GNAL: variants seen among roughly 807,000 people sequenced by gnomAD.
GNAL encodes the protein guanine nucleotide-binding protein G(olf) subunit alpha.
In GNAL, 18 loss-of-function variants were observed where a neutral mutation model predicts 55.1. The ratio of observed to expected loss-of-function variants is 0.33; its 90% confidence interval spans 0.23 to 0.48. The LOEUF (loss-of-function observed/expected upper bound fraction) is 0.48, where lower values mean the gene tolerates loss of function less well. Ranked by LOEUF, GNAL falls within the 20% of genes least tolerant of loss-of-function variation. The pLI, the probability that GNAL is intolerant of heterozygous loss-of-function variation, is 0.99. For synonymous variants in GNAL, 253 were observed against 237.0 expected (o/e 1.07, Z -0.62); for missense variants, 412 against 614.1 (o/e 0.67, Z 3.48).
chr18:11,727,762 AAG>A (rs982666329), intron 1 of GNAL, among the ~76,000 whole-genome samples: 3 of 152,216 alleles, frequency 2.0e-5, no homozygotes, highest in Non-Finnish European at 4.4e-5. Context: ...AAAGTGGGGA[AAG>A]AGAGTAGTCT....
intron 4 of GNAL, among the ~76,000 whole-genome samples, chr18:11,807,658 AGAG>A (rs150104571): frequency 0.015 from 2,314 of 152,330 alleles, 54 homozygotes; most frequent in African/African-American, 0.052. Flanking sequence ...TCCAGAATTC[AGAG>A]GAGAGGCCTA....
chr18:11,732,133 A>T (rs2032353211), intron 1 of GNAL, among the ~76,000 whole-genome samples: 1 of 152,186 alleles, frequency 6.6e-6, no homozygotes, highest in South Asian at 2.1e-4. Flanking sequence ...TAATGCTGCT[A>T]TGGACATTTG....
intron 5 of GNAL, among the ~76,000 whole-genome samples, chr18:11,851,081 A>C (rs763709041): frequency 2.6e-5 from 4 of 152,230 alleles, no homozygotes; most frequent in Non-Finnish European, 4.4e-5. Flanking sequence ...AAGCCTGCCA[A>C]GTTTGGAGCG....
Position 11,885,546 on chromosome 18 carries a change from C to G in GNAL, c.*4411C>G, listed in dbSNP as rs1224565141. The G allele has an allele frequency of 3.7e-6, 4 of 1,092,206 alleles. No individual in the cohort carries two copies. Among genetic ancestry groups the G allele is most frequent in the Non-Finnish European group, 5.3e-6 (4 of 752,342 alleles). The allele number at this position is 1,092,206 out of a possible 1,614,324, so 67.7% of individuals were successfully genotyped here. ...TGGCAAGGGGCAGTGTATGGAGCTA[C>G]GTGTAGAAGGAGAGAAATTTGTGTG... is the stretch of plus-strand genomic sequence containing the variant. On this transcript the variant is annotated 3_prime_UTR_variant, in exon 12 of 12. Coordinates refer to ENST00000334049, the MANE Select transcript of GNAL (RefSeq NM_182978.4).
intron 5 of GNAL, chr18:11,851,385 C>G: frequency 8.1e-7 from 1 of 1,237,002 alleles, no homozygotes; most frequent in Middle Eastern, 2.8e-4. Flanking sequence ...CCACCTGCGC[C>G]GCTCACAGTA....
intron 1 of GNAL, among the ~76,000 whole-genome samples, chr18:11,723,340 TTTG>T (rs1394225961): frequency 4.6e-5 from 7 of 152,248 alleles, no homozygotes; most frequent in African/African-American, 7.2e-5. Flanking sequence ...TCATCCTCTT[TTTG>T]TTATTTTGCA....
intron 10 of GNAL, among the ~76,000 whole-genome samples, chr18:11,873,593 C>T (rs1210027183): frequency 2.0e-5 from 3 of 152,258 alleles, no homozygotes; most frequent in Admixed American, 2.0e-4. Context: ...GGTCAAGGTC[C>T]AGGCTCTTCC....
chr18:11,856,780 A>G (rs1390851657), intron 5 of GNAL, among the ~76,000 whole-genome samples: 1 of 151,954 alleles, frequency 6.6e-6, no homozygotes, highest in African/African-American at 2.4e-5. Flanking sequence ...GCAAAAAAAT[A>G]ATTAGCCAGG....
chr18:11,810,116 C>T (rs1308896484), intron 4 of GNAL, among the ~76,000 whole-genome samples: 1 of 152,222 alleles, frequency 6.6e-6, no homozygotes, highest in Non-Finnish European at 1.5e-5. Context: ...CTTGGCTGGG[C>T]AGGGCGGCTC....
intron 4 of GNAL, among the ~76,000 whole-genome samples, chr18:11,770,931 A>G (rs532191894): frequency 6.6e-6 from 1 of 152,238 alleles, no homozygotes; most frequent in Non-Finnish European, 1.5e-5. Context: ...AAATATTATC[A>G]TGGCCAGGTG....
intron 10 of GNAL, 27 bp from the exon 11 acceptor site, chr18:11,876,590 TTAAA>T (rs1567906434): frequency 7.3e-7 from 1 of 1,367,962 alleles, no homozygotes; most frequent in African/African-American, 1.4e-5. Flanking sequence ...TTCATGTTGC[TTAAA>T]TAAAGTTCCA....
In GNAL at chr18:11,884,554, T is replaced by C. The variant is rs147275956; in HGVS notation, c.*3419T>C. ...CACAAGGAAGCCCACCACTCCACAGTAGATGATCAAAACCACATCCTCACG... is the reference window on the plus strand; with the variant it reads ...CACAAGGAAGCCCACCACTCCACAGCAGATGATCAAAACCACATCCTCACG... On this transcript the variant is annotated 3_prime_UTR_variant, in exon 12 of 12. Transcript: ENST00000334049. The C allele has an allele frequency of 3.7e-6, 6 of 1,614,010 alleles. No homozygotes were observed. The highest frequency in any genetic ancestry group is 2.2e-5 in the East Asian group (1 of 44,880).
At chr18:11,726,446 A>C (rs753041190) in intron 1 of GNAL, among the ~76,000 whole-genome samples, 1 of 152,256 alleles carries the variant, frequency 6.6e-6, no homozygotes, top group African/African-American at 2.4e-5. Flanking sequence ...TGTGCTGTGA[A>C]CACTGATGAA....
chr18:11,821,576 A>T (rs2035090327), intron 4 of GNAL, among the ~76,000 whole-genome samples: 1 of 152,182 alleles, frequency 6.6e-6, no homozygotes, highest in Non-Finnish European at 1.5e-5. Flanking sequence ...GACATGCAGG[A>T]AATTAACGCA....
chr18:11,862,057 C>T (rs775358055), intron 5 of GNAL, among the ~76,000 whole-genome samples: 2 of 151,780 alleles, frequency 1.3e-5, no homozygotes, highest in Non-Finnish European at 2.9e-5. Flanking sequence ...TACATTGCAA[C>T]ACATTCTTGT....
chr18:11,828,956 T>G (rs1188026459), intron 5 of GNAL, among the ~76,000 whole-genome samples: 1 of 152,226 alleles, frequency 6.6e-6, no homozygotes, highest in African/African-American at 2.4e-5. Flanking sequence ...TAGGTAAGTG[T>G]TATCTCTTGC....
In GNAL at chr18:11,704,046, G is replaced by A. The variant is rs2031646174; in HGVS notation, c.376+14107G>A. Among the ~76,000 whole-genome samples, 7 of 152,280 alleles carry A rather than the reference G, an allele frequency of 4.6e-5. No individual in the cohort carries two copies. In the South Asian group the frequency reaches 6.2e-4, roughly 14 times the overall value. ...TTTTAATTATGTATACAGAATGTTC[G>A]TTTAGGAACACAGAGGATGGATTTC... is the stretch of plus-strand genomic sequence containing the variant. On this transcript the variant is annotated intron_variant, in intron 1 of 11. Transcript: ENST00000334049.
Position 11,751,496 on chromosome 18 carries a change from G to C in GNAL, c.377-1357G>C. 1 of 985,500 alleles carries C rather than the reference G, an allele frequency of 1.0e-6. No individual in the cohort carries two copies. Among genetic ancestry groups the C allele is most frequent in the Non-Finnish European group, 1.2e-6 (1 of 829,946 alleles). 61.0% of individuals were successfully genotyped at this position (985,500 alleles called of 1,614,324 possible). The stretch of plus-strand genomic sequence containing the variant: ...TAGTCTAGAAGCTGAGCAGAACAAA[G>C]GCGGTGTGACTGGTGAGCCTCGGAG... On this transcript the variant is annotated intron_variant, in intron 1 of 11. Transcript: ENST00000334049. This position sits in a 1 kb window ranked among gnomAD's most constrained non-coding sequence, Gnocchi z 4.5.
chr18:11,770,503 A>G (rs973721517), intron 4 of GNAL, among the ~76,000 whole-genome samples: 1 of 152,240 alleles, frequency 6.6e-6, no homozygotes, highest in Non-Finnish European at 1.5e-5. Flanking sequence ...AGAGCTGTCT[A>G]TGCAATCTCA....
Sources: gnomAD v4.1 joint callset for allele counts (sites outside exome capture counted in the v4.1 genomes callset) on GRCh38, gnomAD v4.1.1 for gene constraint, Gnocchi (gnomAD v3.1) non-coding constraint, MANE v1.5 for transcripts, NCBI Gene and HGNC (gene_info 2026-07-23, HGNC 2026-07-21) for gene names.